PDE7A: variants seen among roughly 807,000 people sequenced by gnomAD.
PDE7A encodes high affinity 3',5'-cyclic-AMP phosphodiesterase 7A.
Under a neutral mutation model 64.3 loss-of-function variants are expected in PDE7A, and 39 were observed. The ratio of observed to expected loss-of-function variants is 0.61; its 90% CI spans 0.47 to 0.79. The LOEUF is 0.79. PDE7A is among the 30% of genes least tolerant of loss of function. The probability of loss-of-function intolerance (pLI) is 0.00; values close to 1 mark genes in which losing one functional copy is unlikely to be tolerated. For synonymous variants in PDE7A, 203 were observed against 206.8 expected (o/e 0.98, Z 0.16); for missense variants, 470 against 582.8 (o/e 0.81, Z 1.99).
At chr8:65,837,472 G>A (rs1337838421) in intron 1 of PDE7A, among the ~76,000 whole-genome samples, 1 of 152,204 alleles carries the variant, frequency 6.6e-6, no homozygotes, top group Non-Finnish European at 1.5e-5. Flanking sequence ...TGGGACCCAA[G>A]TCTAAACACA....
At chr8:65,830,423 T>A (rs974588985) in intron 1 of PDE7A, among the ~76,000 whole-genome samples, 4 of 152,066 alleles carry the variant, frequency 2.6e-5, no homozygotes, top group African/African-American at 9.7e-5. Flanking sequence ...CTACTGCTAA[T>A]ATAAAGCACT....
In PDE7A at chr8:65,796,647, CATT is replaced by C. The variant is rs201733657; in HGVS notation, c.139-13807_139-13805del. 5.9e-3 allele frequency among the ~76,000 whole-genome samples: 890 copies of C among 152,136 alleles called. 8 individuals carry two copies. Among genetic ancestry groups the C allele is most frequent in the African/African-American group, 0.02 (841 of 41,524 alleles). On this transcript the variant is annotated intron_variant, in intron 1 of 12. Transcript: ENST00000401827. Reference sequence around the variant, plus strand: ...AATGCATTTGACAAAATTCAATAGTCATTATGATAAACAATCTTAATAAACTAA... The same window carrying C: ...AATGCATTTGACAAAATTCAATAGTCATGATAAACAATCTTAATAAACTAA...
chr8:65,762,627 T>C (rs567454379), intron 3 of PDE7A, among the ~76,000 whole-genome samples: 2 of 152,230 alleles, frequency 1.3e-5, no homozygotes, highest in South Asian at 2.1e-4. Context: ...CAGTATGTCT[T>C]TGCACATTTT....
chr8:65,788,960 G>A (rs781762473), intron 1 of PDE7A: 59 of 1,610,302 alleles, frequency 3.7e-5, no homozygotes, highest in Middle Eastern at 1.6e-4. Context: ...TCAAAAGCCC[G>A]CTGCATAATC....
intron 1 of PDE7A, among the ~76,000 whole-genome samples, chr8:65,816,314 C>T (rs1204890494): frequency 8.6e-5 from 13 of 152,042 alleles, no homozygotes; most frequent in Admixed American, 7.2e-4. Flanking sequence ...ACAACTAGGA[C>T]GAATGTGCAG....
intron 3 of PDE7A, among the ~76,000 whole-genome samples, chr8:65,757,563 A>G (rs1122353): frequency 0.12 from 18,185 of 152,126 alleles, 1,949 homozygotes; most frequent in East Asian, 0.5. Flanking sequence ...GGAATAATTG[A>G]GCTAAGAGAT....
In PDE7A at chr8:65,734,263, A is replaced by G. The variant is rs139068714; in HGVS notation, c.696+531T>C. ...ACTTCTGTTTCTTTCCCCGAAATGC[A>G]TTCACCACCACATCCTGTTCATTCT... On this transcript the variant is annotated intron_variant, in intron 7 of 12. Transcript: ENST00000401827. Among the ~76,000 whole-genome samples the G allele has an allele frequency of 5.9e-3, 900 of 152,212 alleles. 9 individuals are homozygous for G. The highest frequency in any genetic ancestry group is 0.021 in the African/African-American group (870 of 41,524).
intron 5 of PDE7A, among the ~76,000 whole-genome samples, chr8:65,743,255 A>G (rs978045359): frequency 6.6e-6 from 1 of 152,198 alleles, no homozygotes; most frequent in Non-Finnish European, 1.5e-5. Context: ...CTGAGCAAGA[A>G]GAAGGTGGGC....
At chr8:65,739,924 C>T (rs897210407) in intron 5 of PDE7A, among the ~76,000 whole-genome samples, 1 of 152,200 alleles carries the variant, frequency 6.6e-6, no homozygotes, top group African/African-American at 2.4e-5. Context: ...CACATAGTAA[C>T]CTAACTCAGT....
intron 3 of PDE7A, among the ~76,000 whole-genome samples, chr8:65,755,318 G>C (rs1289220370): frequency 6.6e-6 from 1 of 152,050 alleles, no homozygotes; most frequent in Non-Finnish European, 1.5e-5. Context: ...ATCATGCCCG[G>C]CCCATTATTG....
intron 3 of PDE7A, among the ~76,000 whole-genome samples, chr8:65,771,905 A>AAAAAG (rs1809104563): frequency 6.9e-6 from 1 of 145,398 alleles, no homozygotes; most frequent in South Asian, 2.1e-4. Flanking sequence ...AAAAAAAAAA[A>AAAAAG]AAGAAGAAGA....
At chr8:65,734,342 C>T (rs1807032652) in intron 7 of PDE7A, among the ~76,000 whole-genome samples, 1 of 152,242 alleles carries the variant, frequency 6.6e-6, no homozygotes, top group Non-Finnish European at 1.5e-5. Flanking sequence ...CAAGGCCACT[C>T]TGCTCTCTTC....
chr8:65,800,658 A>G (rs529292496), intron 1 of PDE7A, among the ~76,000 whole-genome samples: 7 of 152,158 alleles, frequency 4.6e-5, no homozygotes, highest in Non-Finnish European at 1.0e-4. Context: ...GTTTGGTTCT[A>G]TAACATTCTC....
chr8:65,725,501 T>C (rs1195423452), intron 9 of PDE7A: 3 of 154,140 alleles, frequency 1.9e-5, no homozygotes, highest in Non-Finnish European at 4.4e-5. Flanking sequence ...CCAACTTTTC[T>C]GAAAGGAAAA....
chr8:65,790,365 G>T (rs1809667891), intron 1 of PDE7A, among the ~76,000 whole-genome samples: 1 of 152,110 alleles, frequency 6.6e-6, no homozygotes, highest in South Asian at 2.1e-4. Flanking sequence ...GGGCTGGATG[G>T]GCAGTCAGGC....
chr8:65,796,469 T>C (rs1467432764), intron 1 of PDE7A, among the ~76,000 whole-genome samples: 1 of 152,016 alleles, frequency 6.6e-6, no homozygotes, highest in Non-Finnish European at 1.5e-5. Flanking sequence ...CATTAGTAAA[T>C]CAAATCCATT....
At chr8:65,790,379 C>T (rs1322518604) in intron 1 of PDE7A, among the ~76,000 whole-genome samples, 1 of 152,082 alleles carries the variant, frequency 6.6e-6, no homozygotes, top group Non-Finnish European at 1.5e-5. Flanking sequence ...GTCAGGCCAC[C>T]ACTGCAGAGG....
intron 1 of PDE7A, among the ~76,000 whole-genome samples, chr8:65,811,229 AC>A (rs1437664054): frequency 1.3e-5 from 2 of 152,164 alleles, no homozygotes; most frequent in Non-Finnish European, 2.9e-5. Context: ...ACTAAAGAGA[AC>A]TTCATGAAGG....
intron 7 of PDE7A, among the ~76,000 whole-genome samples, chr8:65,734,113 C>A (rs1191974346): frequency 2.0e-5 from 3 of 152,188 alleles, no homozygotes; most frequent in African/African-American, 7.2e-5. Context: ...ACATTTAATA[C>A]CACGGATCCA....
Sources: gnomAD v4.1 joint callset for allele counts (sites outside exome capture counted in the v4.1 genomes callset) on GRCh38, gnomAD v4.1.1 for gene constraint, MANE v1.5 for transcripts, NCBI Gene and HGNC (gene_info 2026-07-23, HGNC 2026-07-21) for gene names.